TENM4: variants seen among roughly 807,000 people sequenced by gnomAD.
The protein encoded by TENM4 is teneurin transmembrane protein 4, also known as teneurin-4.
Under a neutral mutation model 243.3 loss-of-function variants are expected in TENM4, and 82 were observed. The observed-to-expected ratio is 0.34, with a 90% CI of 0.28 to 0.40. The LOEUF (loss-of-function observed/expected upper bound fraction) is 0.40, where lower values mean the gene tolerates loss of function less well. Ranked by LOEUF, TENM4 falls within the 10% of genes least tolerant of loss-of-function variation. The pLI is 1.00. For missense variants in TENM4, 3,138 were observed against 3,673.3 expected (o/e 0.85, Z 3.77); for synonymous variants, 1,412 against 1,456.3 (o/e 0.97, Z 0.69).
chr11:78,864,522 C>A (rs1288731955), intron 9 of TENM4, among the ~76,000 whole-genome samples: 1 of 149,984 alleles, frequency 6.7e-6, no homozygotes, highest in Non-Finnish European at 1.5e-5. Context: ...TAGAAAGAGA[C>A]CATAAGGCGC....
chr11:78,725,878 G>T (rs1855498572), intron 23 of TENM4, among the ~76,000 whole-genome samples: 1 of 152,218 alleles, frequency 6.6e-6, no homozygotes, highest in Admixed American at 6.5e-5. Flanking sequence ...AAGCCTTGAG[G>T]CCATTCATTT....
chr11:78,689,090 T>C (rs960002558), intron 28 of TENM4, among the ~76,000 whole-genome samples: 2 of 152,230 alleles, frequency 1.3e-5, no homozygotes, highest in Non-Finnish European at 2.9e-5. Context: ...GTATTATCTC[T>C]TTTTTGGAGA....
rs908636832 is a variant in TENM4, at chr11:78,787,169, AAAC to A, written c.2180-89_2180-87del. The A allele has an allele frequency of 4.3e-5, 60 of 1,407,834 alleles. No individual in the cohort carries two copies. The East Asian group carries it at 9.3e-4, about 22-fold the overall frequency. 87.2% of individuals were successfully genotyped at this position (1,407,834 alleles called of 1,614,324 possible). A position where few individuals can be genotyped will look rare whatever the true frequency, so the allele number is the denominator to read the frequency against. ...GGGGCAGGGGAGAGAGGAGAGAGAA[AAAC>A]AACAAGTATTGAGCAAGTTATTGTT... On this transcript the variant is annotated intron_variant, in intron 15 of 33. Coordinates refer to ENST00000278550, the MANE Select transcript of TENM4 (RefSeq NM_001098816.3).
At chr11:79,162,035 C>T (rs963615277) in intron 3 of TENM4, among the ~76,000 whole-genome samples, 5 of 152,174 alleles carry the variant, frequency 3.3e-5, no homozygotes, top group African/African-American at 1.2e-4. Context: ...ACCCAGTACC[C>T]CCTGTATGGC....
At chr11:78,961,023 G>A (rs1201936292) in intron 6 of TENM4, among the ~76,000 whole-genome samples, 1 of 152,242 alleles carries the variant, frequency 6.6e-6, no homozygotes, top group African/African-American at 2.4e-5. Flanking sequence ...GAGAGGCAAT[G>A]TGACTTATCT....
intron 6 of TENM4, among the ~76,000 whole-genome samples, chr11:79,003,971 C>A (rs1312721814): frequency 6.9e-6 from 1 of 144,560 alleles, no homozygotes; most frequent in Non-Finnish European, 1.5e-5. Context: ...CAGAAAAACA[C>A]AGGGGTTGCT....
intron 2 of TENM4, among the ~76,000 whole-genome samples, chr11:79,232,582 G>C (rs1864392546): frequency 6.6e-6 from 1 of 152,198 alleles, no homozygotes; most frequent in Admixed American, 6.5e-5. Context: ...GGCAGGAGCT[G>C]CTGAGTGCAT....
In TENM4 at chr11:78,923,693, CT is replaced by C. The variant is rs1172776088; in HGVS notation, c.494-20171del. On this transcript the variant is annotated intron_variant, in intron 6 of 33. Coordinates refer to ENST00000278550, the MANE Select transcript of TENM4 (RefSeq NM_001098816.3). Reference sequence around the variant, plus strand: ...GCTGGGATGACAGGCATGCACCTGGCTTTTTTTTTTTTTTTTTTTTTTTTAA... The same window carrying C: ...GCTGGGATGACAGGCATGCACCTGGCTTTTTTTTTTTTTTTTTTTTTTTAA... 3.5e-3 allele frequency among the ~76,000 whole-genome samples: 187 copies of C among 53,668 alleles called. 3 individuals are homozygous for C. Among genetic ancestry groups the C allele is most frequent in the African/African-American group, 0.012 (168 of 13,670 alleles). The allele number at this position is 53,668 out of a possible 152,430, so 35.2% of individuals were successfully genotyped here.
At chr11:79,173,808 T>C (rs1307771801) in intron 3 of TENM4, among the ~76,000 whole-genome samples, 1 of 152,202 alleles carries the variant, frequency 6.6e-6, no homozygotes, top group East Asian at 1.9e-4. Context: ...AAGGATCATG[T>C]GGGACTCACA....
At chr11:78,823,005 T>G (rs1857768405) in intron 12 of TENM4, among the ~76,000 whole-genome samples, 1 of 152,194 alleles carries the variant, frequency 6.6e-6, no homozygotes, top group South Asian at 2.1e-4. Context: ...GCCTCCTTCC[T>G]GGCTGTTGGC....
chr11:78,809,377 A>C (rs1857450405), intron 14 of TENM4, among the ~76,000 whole-genome samples: 1 of 152,200 alleles, frequency 6.6e-6, no homozygotes, highest in Non-Finnish European at 1.5e-5. Context: ...AGCTCCCAGA[A>C]ATCTAGGCTG....
chr11:79,247,465 G>T (rs1855539644), intron 2 of TENM4, among the ~76,000 whole-genome samples: 1 of 150,564 alleles, frequency 6.6e-6, no homozygotes, highest in Admixed American at 6.6e-5. Flanking sequence ...GCTGATTCCA[G>T]GCCTTGTGCA....
intron 27 of TENM4, among the ~76,000 whole-genome samples, chr11:78,702,650 AC>A (rs1426583819): frequency 6.6e-6 from 1 of 152,226 alleles, no homozygotes; most frequent in Non-Finnish European, 1.5e-5. Flanking sequence ...GTTAACAACA[AC>A]AAAATAGTAG....
intron 6 of TENM4, among the ~76,000 whole-genome samples, chr11:78,960,767 G>A (rs138562930): frequency 2.6e-5 from 4 of 152,270 alleles, no homozygotes; most frequent in Non-Finnish European, 4.4e-5. Flanking sequence ...TGCCACCTTC[G>A]GCTATAATGA....
At chr11:79,057,082 T>C (rs1182766312) in intron 6 of TENM4, among the ~76,000 whole-genome samples, 3 of 152,214 alleles carry the variant, frequency 2.0e-5, no homozygotes, top group Non-Finnish European at 4.4e-5. Context: ...TCCTCACCTA[T>C]GGCTCACTCT....
chr11:79,281,121 C>T (rs1174232182), intron 2 of TENM4, among the ~76,000 whole-genome samples: 2 of 152,162 alleles, frequency 1.3e-5, no homozygotes, highest in Non-Finnish European at 2.9e-5. Flanking sequence ...GGAGATGCAC[C>T]TCAGCCTTCC....
chr11:79,382,676 G>C (rs57447286), intron 1 of TENM4, among the ~76,000 whole-genome samples: 1 of 152,038 alleles, frequency 6.6e-6, no homozygotes, highest in Non-Finnish European at 1.5e-5. Flanking sequence ...GGGTAGGGAG[G>C]GGGAGGAGGA....
intron 6 of TENM4, among the ~76,000 whole-genome samples, chr11:78,925,952 G>GA (rs750793558): frequency 0.041 from 6,053 of 146,028 alleles, 329 homozygotes; most frequent in African/African-American, 0.13. Context: ...AGGAGGAAAA[G>GA]AAATAAAAAA....
intron 1 of TENM4, among the ~76,000 whole-genome samples, chr11:79,369,662 G>A (rs1485019836): frequency 6.6e-6 from 1 of 152,154 alleles, no homozygotes; most frequent in Non-Finnish European, 1.5e-5. Context: ...TCAGGCTCAT[G>A]TCACTCATCC....
Sources: allele counts gnomAD v4.1 joint callset (sites outside exome capture counted in the v4.1 genomes callset), GRCh38; gene constraint gnomAD v4.1.1; transcripts MANE v1.5; gene names NCBI Gene and HGNC (gene_info 2026-07-23, HGNC 2026-07-21).